Variants in MYO5A observed in about 807,000 individuals in gnomAD.
MYO5A encodes the protein myosin VA.
In MYO5A, 98 loss-of-function variants were observed where a neutral mutation model predicts 249.7. That is an observed-to-expected ratio of 0.39 (90% CI 0.33 to 0.46). The LOEUF is 0.46. MYO5A is among the 20% of genes least tolerant of loss of function. The probability of loss-of-function intolerance (pLI) is 0.98; values close to 1 mark genes in which losing one functional copy is unlikely to be tolerated. For missense variants in MYO5A, 1,696 were observed against 2,308.8 expected (o/e 0.73, Z 5.44); for synonymous variants, 778 against 810.6 (o/e 0.96, Z 0.68).
intron 1 of MYO5A, among the ~76,000 whole-genome samples, chr15:52,437,571 G>A (rs1469636422): frequency 7.0e-6 from 1 of 142,644 alleles, no homozygotes; most frequent in African/African-American, 2.7e-5. Context: ...CTCCAGCCTG[G>A]GCAACAGAGC....
chr15:52,317,804 T>C (rs912007362), intron 39 of MYO5A, among the ~76,000 whole-genome samples: 7 of 152,160 alleles, frequency 4.6e-5, no homozygotes, highest in Admixed American at 3.9e-4. Flanking sequence ...AGACTCCAAA[T>C]GGTGACAGAG....
chr15:52,484,721 T>C (rs1032482569), intron 1 of MYO5A, among the ~76,000 whole-genome samples: 1 of 152,152 alleles, frequency 6.6e-6, no homozygotes, highest in Non-Finnish European at 1.5e-5. Context: ...CTCGGCTCAC[T>C]GCAACCTCTA....
Position 52,439,075 on chromosome 15 carries a change from G to A in MYO5A, c.28-5790C>T, listed in dbSNP as rs532097868. ...TCACTGGGTTCCACAGTTCTCTTCC[G>A]TGACCCACGGCTTCTAATAGAGCTA... On this transcript the variant is annotated intron_variant, in intron 1 of 41. Transcript: ENST00000399233. 4.6e-5 allele frequency among the ~76,000 whole-genome samples: 7 copies of A among 152,350 alleles called. No individual in the cohort carries two copies. In the East Asian group the frequency reaches 7.7e-4, roughly 17 times the overall value.
At chr15:52,497,044 T>A (rs1469402722) in intron 1 of MYO5A, among the ~76,000 whole-genome samples, 1 of 152,166 alleles carries the variant, frequency 6.6e-6, no homozygotes, top group East Asian at 1.9e-4. Context: ...TCACTGCAAC[T>A]TCCACCTCTC....
At chr15:52,500,471 T>C (rs2077132615) in intron 1 of MYO5A, among the ~76,000 whole-genome samples, 1 of 151,658 alleles carries the variant, frequency 6.6e-6, no homozygotes, top group Non-Finnish European at 1.5e-5. Context: ...CTCAGCCTCC[T>C]GAGTAGCTGG....
rs572370476 is a variant in MYO5A at position 52,400,651 on chromosome 15, A to G, written c.1054-3185T>C. Reference sequence around the variant, plus strand: ...GAAGACTCCTTCAGTTTGGGTCTCTATGATGTTACCTCATGATTAGATTTG... The same window carrying G: ...GAAGACTCCTTCAGTTTGGGTCTCTGTGATGTTACCTCATGATTAGATTTG... On this transcript the variant is annotated intron_variant, in intron 9 of 41. Coordinates refer to ENST00000399233, the MANE Select transcript of MYO5A (RefSeq NM_001382347.1). Among the ~76,000 whole-genome samples the G allele has an allele frequency of 3.3e-5, 5 of 152,252 alleles. No individual in the cohort carries two copies. In the East Asian group the frequency reaches 7.7e-4, roughly 23 times the overall value.
intron 1 of MYO5A, chr15:52,505,939 C>A: frequency 7.7e-7 from 1 of 1,293,066 alleles, no homozygotes; most frequent in East Asian, 2.4e-5. Context: ...CTTGGCTGGG[C>A]GCAGTGGCTC....
At chr15:52,459,159 T>TTTA (rs1408257434) in intron 1 of MYO5A, among the ~76,000 whole-genome samples, 1 of 134,274 alleles carries the variant, frequency 7.4e-6, no homozygotes, top group East Asian at 2.1e-4. Context: ...TTTTTTTTTT[T>TTTA]TTTTTTTTTT....
chr15:52,413,147 CAAAA>C (rs767059579), intron 5 of MYO5A, among the ~76,000 whole-genome samples: 3 of 66,148 alleles, frequency 4.5e-5, no homozygotes, highest in African/African-American at 6.0e-5. Flanking sequence ...AACTCTGTCT[CAAAA>C]AAAAAAAAAA....
At chr15:52,391,854 C>G (rs2042252475) in intron 12 of MYO5A, 76 bp downstream of exon 12, 1 of 1,465,458 alleles carries the variant, frequency 6.8e-7, no homozygotes, top group Non-Finnish European at 9.5e-7. Flanking sequence ...TAATGAATCT[C>G]TCCTTGAACC....
chr15:52,442,973 G>C (rs575049402), intron 1 of MYO5A, among the ~76,000 whole-genome samples: 1 of 152,192 alleles, frequency 6.6e-6, no homozygotes, highest in East Asian at 1.9e-4. Flanking sequence ...GGACGGTCTC[G>C]ATCTCCTGAC....
chr15:52,498,714 T>C (rs923987830), intron 1 of MYO5A, among the ~76,000 whole-genome samples: 2 of 152,232 alleles, frequency 1.3e-5, no homozygotes, highest in African/African-American at 4.8e-5. Context: ...TAAAAATATT[T>C]TCCTGTTCTG....
intron 31 of MYO5A, among the ~76,000 whole-genome samples, chr15:52,341,490 C>T (rs1463143962): frequency 6.6e-6 from 1 of 152,220 alleles, no homozygotes; most frequent in African/African-American, 2.4e-5. Flanking sequence ...AGCATCCTCC[C>T]TTTGCCACGC....
At chr15:52,445,381 A>G (rs967902873) in intron 1 of MYO5A, among the ~76,000 whole-genome samples, 2 of 152,126 alleles carry the variant, frequency 1.3e-5, no homozygotes, top group African/African-American at 4.8e-5. Context: ...CTTCATGTAC[A>G]GCCTGCAGAA....
chr15:52,410,402 A>T lies in MYO5A; in HGVS notation c.687T>A (p.Asp229Glu), dbSNP rs1355434523. 1 of 1,613,470 alleles carries T rather than the reference A, an allele frequency of 6.2e-7. No individual in the cohort carries two copies. Among genetic ancestry groups the T allele is most frequent in the Non-Finnish European group, 8.5e-7 (1 of 1,179,424 alleles). Residue 229 changes from aspartate (D) to glutamate (E), a missense_variant, in exon 6 of 42, where the codon GAT becomes GAA. Coordinates refer to ENST00000399233, the MANE Select transcript of MYO5A (RefSeq NM_001382347.1). ...RFGKYIEIGF[D>E]KRYRIIGANM... is the part of the protein sequence containing the mutation. Reference sequence around the variant, plus strand: ...TGGCACCAATGATTCGATATCTCTTATCAAAACCAATCTCAATATACTTCC... The same window carrying T: ...TGGCACCAATGATTCGATATCTCTTTTCAAAACCAATCTCAATATACTTCC...
chr15:52,463,086 T>C lies in MYO5A; in HGVS notation c.28-29801A>G, dbSNP rs2076285235. 2.6e-5 allele frequency among the ~76,000 whole-genome samples: 4 copies of C among 152,170 alleles called. No individual in the cohort carries two copies. The South Asian group carries it at 8.3e-4, about 32-fold the overall frequency. ...AAATTGATTGTCAGTCTATTTTAGG[T>C]TGTAAAAATCTCATGAACTAAAGGA... On this transcript the variant is annotated intron_variant, in intron 1 of 41. Transcript: ENST00000399233.
chr15:52,343,005 A>T, intron 31 of MYO5A, 112 bp downstream of exon 31: 1 of 852,978 alleles, frequency 1.2e-6, no homozygotes, highest in Non-Finnish European at 2.0e-6. Context: ...ACACTAATTT[A>T]CCCAAGAAGA....
At chr15:52,354,328 C>T (rs1187702036) in intron 25 of MYO5A, among the ~76,000 whole-genome samples, 1 of 152,098 alleles carries the variant, frequency 6.6e-6, no homozygotes, top group East Asian at 1.9e-4. Context: ...GCAATTTTGC[C>T]GAACTTACTA....
intron 36 of MYO5A, 34 bp from the exon 37 acceptor site, chr15:52,323,478 C>T (rs2038429884): frequency 6.5e-7 from 1 of 1,545,716 alleles, no homozygotes; most frequent in Admixed American, 1.7e-5. Context: ...CTTGCCTTTT[C>T]CTTAGGGAAA....
Sources: allele counts gnomAD v4.1 joint callset (sites outside exome capture counted in the v4.1 genomes callset), GRCh38; gene constraint gnomAD v4.1.1; transcripts MANE v1.5; gene names NCBI Gene and HGNC (gene_info 2026-07-23, HGNC 2026-07-21).